Variants in SGCZ observed in about 807,000 individuals in gnomAD.
SGCZ encodes the protein zeta-sarcoglycan.
In SGCZ, 40 loss-of-function variants were observed where a neutral mutation model predicts 41.3. The observed-to-expected ratio is 0.97, with a 90% CI of 0.75 to 1.26. SGCZ has a LOEUF of 1.26. SGCZ is among the 50% of genes most tolerant of loss of function. The probability of loss-of-function intolerance (pLI) is 0.00; values close to 1 mark genes in which losing one functional copy is unlikely to be tolerated. For missense variants in SGCZ, 552 were observed against 369.8 expected (o/e 1.49, Z -4.04); for synonymous variants, 206 against 137.5 (o/e 1.50, Z -3.49).
intron 1 of SGCZ, among the ~76,000 whole-genome samples, chr8:14,856,964 A>T (rs1484980041): frequency 6.6e-6 from 1 of 152,122 alleles, no homozygotes; most frequent in Non-Finnish European, 1.5e-5. Flanking sequence ...CTCTGCCCAA[A>T]TCTGAAGTGG....
intron 1 of SGCZ, among the ~76,000 whole-genome samples, chr8:15,021,802 G>A (rs1803259006): frequency 6.6e-6 from 1 of 152,042 alleles, no homozygotes; most frequent in African/African-American, 2.4e-5. Flanking sequence ...TGTTGTTACT[G>A]GAACTTAAAA....
chr8:15,188,808 G>T (rs1800432645), intron 1 of SGCZ, among the ~76,000 whole-genome samples: 1 of 151,988 alleles, frequency 6.6e-6, no homozygotes, highest in African/African-American at 2.4e-5. Flanking sequence ...AGGAGATGTT[G>T]ATTTGAGAAT....
intron 1 of SGCZ, among the ~76,000 whole-genome samples, chr8:15,211,476 A>T (rs75958629): frequency 0.055 from 8,289 of 152,084 alleles, 258 homozygotes; most frequent in South Asian, 0.078. Flanking sequence ...CTACCCAACC[A>T]ACCATCCCTT....
At chr8:14,608,776 T>G (rs576976479) in intron 1 of SGCZ, among the ~76,000 whole-genome samples, 1 of 152,180 alleles carries the variant, frequency 6.6e-6, no homozygotes, top group African/African-American at 2.4e-5. Flanking sequence ...GGAGATCACA[T>G]TTCAACGTGA....
intron 1 of SGCZ, among the ~76,000 whole-genome samples, chr8:14,797,215 C>A (rs1343300480): frequency 6.6e-6 from 1 of 152,004 alleles, no homozygotes; most frequent in Admixed American, 6.6e-5. Context: ...TCTGGGACTT[C>A]CTGGAGACTT....
chr8:15,211,125 C>G (rs1403840142), intron 1 of SGCZ, among the ~76,000 whole-genome samples: 1 of 149,824 alleles, frequency 6.7e-6, no homozygotes, highest in Non-Finnish European at 1.5e-5. Context: ...ATTGATGTAT[C>G]TATACCTACA....
chr8:15,131,824 GAATA>G (rs1807915144), intron 1 of SGCZ, among the ~76,000 whole-genome samples: 2 of 152,166 alleles, frequency 1.3e-5, no homozygotes, highest in African/African-American at 2.4e-5. Flanking sequence ...ATCTTGAGAA[GAATA>G]AATATAGTTT....
At chr8:14,161,820 G>A (rs1296892106) in intron 5 of SGCZ, among the ~76,000 whole-genome samples, 1 of 152,068 alleles carries the variant, frequency 6.6e-6, no homozygotes, top group South Asian at 2.1e-4. Context: ...AATGAAAAGA[G>A]AGAGCCAGTG....
In SGCZ at chr8:14,849,942, A is replaced by G. The variant is rs1803256267; in HGVS notation, c.40-295016T>C. Among the ~76,000 whole-genome samples the G allele has an allele frequency of 2.0e-5, 3 of 152,198 alleles. No individual in the cohort carries two copies. In the South Asian group the frequency reaches 6.2e-4, roughly 31 times the overall value. ...TTCTTTATCTTCAAATCACCTTAAT[A>G]CAGAAAGTTAAACATAAATTTTGGT... On this transcript the variant is annotated intron_variant, in intron 1 of 7. Transcript: ENST00000382080.
chr8:15,064,067 T>A (rs966736390), intron 1 of SGCZ, among the ~76,000 whole-genome samples: 1 of 152,202 alleles, frequency 6.6e-6, no homozygotes, highest in African/African-American at 2.4e-5. Flanking sequence ...TGGGTTTCTT[T>A]CAGTGCTAGT....
chr8:14,346,247 G>A (rs1051041254), intron 2 of SGCZ, among the ~76,000 whole-genome samples: 2 of 151,950 alleles, frequency 1.3e-5, no homozygotes, highest in African/African-American at 4.8e-5. Context: ...TCATTTTCCT[G>A]TAAACCTAAA....
chr8:14,576,932 T>C (rs1804729111), intron 1 of SGCZ, among the ~76,000 whole-genome samples: 2 of 152,190 alleles, frequency 1.3e-5, no homozygotes, highest in Non-Finnish European at 2.9e-5. Context: ...TGATTACCCG[T>C]GAGGACATTC....
chr8:14,263,148 A>T (rs1224369301), intron 3 of SGCZ, among the ~76,000 whole-genome samples: 1 of 152,248 alleles, frequency 6.6e-6, no homozygotes, highest in East Asian at 1.9e-4. Context: ...AACTAAAAAT[A>T]AAGCAATTCA....
At chr8:14,255,623 A>G (rs1160379839) in intron 3 of SGCZ, among the ~76,000 whole-genome samples, 1 of 152,110 alleles carries the variant, frequency 6.6e-6, no homozygotes, top group East Asian at 1.9e-4. Flanking sequence ...TATAATAAAA[A>G]CATAAATCAT....
At chr8:14,910,358 G>A (rs1015579131) in intron 1 of SGCZ, among the ~76,000 whole-genome samples, 54 of 151,958 alleles carry the variant, frequency 3.6e-4, no homozygotes, top group African/African-American at 1.2e-3. Context: ...TAATACATAA[G>A]GACACCAGGA....
intron 2 of SGCZ, among the ~76,000 whole-genome samples, chr8:14,337,093 C>T (rs1802529227): frequency 6.6e-6 from 1 of 152,142 alleles, no homozygotes; most frequent in South Asian, 2.1e-4. Context: ...CAAGTATCTC[C>T]ATAGTTCCCT....
At chr8:14,469,095 A>G (rs1246207318) in intron 2 of SGCZ, among the ~76,000 whole-genome samples, 1 of 152,060 alleles carries the variant, frequency 6.6e-6, no homozygotes. Context: ...AAAATCCAGC[A>G]AGTCACCACC....
At chr8:14,374,319 T>C (rs573059310) in intron 2 of SGCZ, among the ~76,000 whole-genome samples, 1 of 152,260 alleles carries the variant, frequency 6.6e-6, no homozygotes, top group Admixed American at 6.5e-5. Context: ...GTCACCAGTA[T>C]GGGTGACAGA....
intron 1 of SGCZ, among the ~76,000 whole-genome samples, chr8:15,082,450 G>C (rs1403578668): frequency 6.6e-6 from 1 of 151,038 alleles, no homozygotes; most frequent in African/African-American, 2.4e-5. Flanking sequence ...CTAAGTGTGT[G>C]TGTGTGTATA....
Sources: allele counts gnomAD v4.1 joint callset (sites outside exome capture counted in the v4.1 genomes callset), GRCh38; gene constraint gnomAD v4.1.1; transcripts MANE v1.5; gene names NCBI Gene and HGNC (gene_info 2026-07-23, HGNC 2026-07-21).